The following VWC2L variants were observed in gnomAD, a reference collection of about 807,000 sequenced individuals.
The protein encoded by VWC2L is von Willebrand factor C domain containing 2 like.
Under a neutral mutation model 21.6 loss-of-function variants are expected in VWC2L, and 10 were observed. That is an observed-to-expected ratio of 0.46 (90% CI 0.29 to 0.78). VWC2L has a LOEUF of 0.78. Ranked by LOEUF, VWC2L falls within the 30% of genes least tolerant of loss-of-function variation. The pLI, the probability that VWC2L is intolerant of heterozygous loss-of-function variation, is 0.10. For synonymous variants in VWC2L, 96 were observed against 94.3 expected (o/e 1.02, Z -0.10); for missense variants, 209 against 277.1 (o/e 0.75, Z 1.74).
At chr2:214,572,227 TCTTATTCTAGA>T (rs1354830217) in intron 3 of VWC2L, among the ~76,000 whole-genome samples, 3 of 152,228 alleles carry the variant, frequency 2.0e-5, no homozygotes, top group African/African-American at 7.2e-5. Flanking sequence ...CTCCATTTTC[TCTTATTCTAGA>T]CCCCAGAAGG....
intron 3 of VWC2L, among the ~76,000 whole-genome samples, chr2:214,512,864 A>T (rs4416211): frequency 0.48 from 73,678 of 151,964 alleles, 19,029 homozygotes; most frequent in East Asian, 0.73. Flanking sequence ...ATGATCACAT[A>T]AACTACAGTA....
chr2:214,447,518 A>G (rs1353909886), intron 3 of VWC2L, among the ~76,000 whole-genome samples: 2 of 152,158 alleles, frequency 1.3e-5, no homozygotes, highest in Non-Finnish European at 2.9e-5. Flanking sequence ...TAAGCTTTTC[A>G]GGGAGTTGGA....
chr2:214,450,780 G>A (rs1311705707), intron 3 of VWC2L, among the ~76,000 whole-genome samples: 1 of 152,086 alleles, frequency 6.6e-6, no homozygotes, highest in Non-Finnish European at 1.5e-5. Context: ...GGGAATGGTT[G>A]CCCTTTTCAC....
intron 3 of VWC2L, among the ~76,000 whole-genome samples, chr2:214,520,709 C>CA (rs1419313571): frequency 2.0e-5 from 3 of 151,802 alleles, no homozygotes; most frequent in Admixed American, 1.3e-4. Context: ...ATTTGGTAGA[C>CA]AAAAAACAGT....
At chr2:214,522,374 CAAAAA>C (rs5838440) in intron 3 of VWC2L, among the ~76,000 whole-genome samples, 20 of 102,946 alleles carry the variant, frequency 1.9e-4, no homozygotes, top group African/African-American at 4.0e-4. Flanking sequence ...GACCCCGTCT[CAAAAA>C]AAAAAAAAAA....
At chr2:214,476,336 G>A (rs957129671) in intron 3 of VWC2L, among the ~76,000 whole-genome samples, 19 of 152,168 alleles carry the variant, frequency 1.2e-4, no homozygotes, top group Admixed American at 4.6e-4. Context: ...TTAATACTCA[G>A]TATGAGGCTT....
Position 214,533,706 on chromosome 2 carries a change from C to T in VWC2L, c.521-41966C>T, listed in dbSNP as rs1381143719. Among the ~76,000 whole-genome samples, 5 of 152,034 alleles carry T rather than the reference C, an allele frequency of 3.3e-5. No individual in the cohort carries two copies. The East Asian group carries it at 9.7e-4, about 29-fold the overall frequency. On this transcript the variant is annotated intron_variant, in intron 3 of 3. Coordinates refer to ENST00000312504, the MANE Select transcript of VWC2L (RefSeq NM_001080500.4). ...GGAATTCTCTGATTTAAGGAATTTC[C>T]CTAGTCATAAACACAGACATTTTTC...
At chr2:214,487,956 A>G (rs1688693397) in intron 3 of VWC2L, among the ~76,000 whole-genome samples, 1 of 152,246 alleles carries the variant, frequency 6.6e-6, no homozygotes, top group Admixed American at 6.5e-5. Context: ...TTGCAACAAC[A>G]GCTCTGGGTT....
chr2:214,481,005 A>G (rs972564069), intron 3 of VWC2L, among the ~76,000 whole-genome samples: 5 of 152,184 alleles, frequency 3.3e-5, no homozygotes, highest in Admixed American at 6.5e-5. Flanking sequence ...AAACTGAGCT[A>G]AAGTACTGAG....
At chr2:214,562,620 A>G (rs569913603) in intron 3 of VWC2L, among the ~76,000 whole-genome samples, 3 of 152,264 alleles carry the variant, frequency 2.0e-5, no homozygotes, top group African/African-American at 7.2e-5. Flanking sequence ...CAGAAGTAAA[A>G]CTGTTCCTAT....
At chr2:214,522,132 T>G (rs146093654) in intron 3 of VWC2L, among the ~76,000 whole-genome samples, 1,876 of 152,206 alleles carry the variant, frequency 0.012, 15 homozygotes, top group Non-Finnish European at 0.019. Context: ...TCCCAGCACT[T>G]TGGGAGGCCG....
At chr2:214,481,381 A>G (rs116011562) in intron 3 of VWC2L, among the ~76,000 whole-genome samples, 253 of 152,296 alleles carry the variant, frequency 1.7e-3, no homozygotes, top group African/African-American at 5.9e-3. Context: ...TGTGGAGAAA[A>G]AGGCTCAGCT....
At chr2:214,524,222 G>A (rs778579835) in intron 3 of VWC2L, among the ~76,000 whole-genome samples, 1 of 152,102 alleles carries the variant, frequency 6.6e-6, no homozygotes, top group Admixed American at 6.5e-5. Context: ...TTGTACCTGT[G>A]TCTTGCCAAC....
chr2:214,543,654 GA>G (rs373431231), intron 3 of VWC2L, among the ~76,000 whole-genome samples: 2,264 of 136,054 alleles, frequency 0.017, 49 homozygotes, highest in African/African-American at 0.052. Flanking sequence ...GGAAGAGAAA[GA>G]AAAAAAAAAA....
intron 3 of VWC2L, among the ~76,000 whole-genome samples, chr2:214,575,224 C>T (rs952058642): frequency 2.0e-4 from 31 of 152,096 alleles, no homozygotes; most frequent in East Asian, 1.7e-3. Context: ...GGGGAACGAG[C>T]GAGTTTATTG....
At chr2:214,527,394 A>G (rs73074617) in intron 3 of VWC2L, among the ~76,000 whole-genome samples, 9,330 of 152,142 alleles carry the variant, frequency 0.061, 641 homozygotes, top group African/African-American at 0.17. Context: ...AAATCTAAAA[A>G]GTTGAAATAA....
rs59720596 is a variant in VWC2L, at chr2:214,480,864, CAAAAAA to C, written c.520+44125_520+44130del. On this transcript the variant is annotated intron_variant, in intron 3 of 3. Transcript: ENST00000312504. ...TTATTCAGAGGTCCATATGCCAAGC[CAAAAAA>C]AAAAAAAAAAAAAAAAAAGGTAGAT... Among the ~76,000 whole-genome samples the C allele has an allele frequency of 5.2e-3, 370 of 71,752 alleles. 2 individuals carry two copies. The highest frequency in any genetic ancestry group is 0.018 in the African/African-American group (323 of 18,416). The allele number at this position is 71,752 out of a possible 152,430, so 47.1% of individuals were successfully genotyped here. A position where few individuals can be genotyped will look rare whatever the true frequency, so the allele number is the denominator to read the frequency against.
intron 3 of VWC2L, among the ~76,000 whole-genome samples, chr2:214,557,257 C>CA (rs1305666479): frequency 6.6e-6 from 1 of 152,048 alleles, no homozygotes; most frequent in African/African-American, 2.4e-5. Flanking sequence ...CACAGGGTGG[C>CA]AGGGGAGAGA....
chr2:214,412,266 CAT>C (rs1702289287), intron 1 of VWC2L, among the ~76,000 whole-genome samples: 1 of 152,050 alleles, frequency 6.6e-6, no homozygotes, highest in Non-Finnish European at 1.5e-5. Context: ...GAAGCAGAAT[CAT>C]ATGTGTATTT....
Sources: allele counts gnomAD v4.1 joint callset (sites outside exome capture counted in the v4.1 genomes callset), GRCh38; gene constraint gnomAD v4.1.1; transcripts MANE v1.5; gene names NCBI Gene and HGNC (gene_info 2026-07-23, HGNC 2026-07-21).